The following MRPL39 variants were observed in gnomAD, a reference collection of about 807,000 sequenced individuals.
MRPL39 encodes mitochondrial ribosomal protein L39, also known as large ribosomal subunit protein mL39.
In MRPL39, 35 loss-of-function variants were observed where a neutral mutation model predicts 44.5. The ratio of observed to expected loss-of-function variants is 0.79; its 90% CI spans 0.60 to 1.04. The LOEUF is 1.04. MRPL39 is among the 50% of genes least tolerant of loss of function. The probability of loss-of-function intolerance (pLI) is 0.00; values close to 1 mark genes in which losing one functional copy is unlikely to be tolerated. For synonymous variants in MRPL39, 139 were observed against 136.1 expected (o/e 1.02, Z -0.15); for missense variants, 433 against 413.5 (o/e 1.05, Z -0.41).
At chr21:25,604,023 G>T (rs1316840829) in intron 2 of MRPL39, 88 bp from the exon 3 acceptor site, 68 of 1,227,836 alleles carry the variant, frequency 5.5e-5, no homozygotes, top group Non-Finnish European at 7.4e-5. Context: ...TATAACAATG[G>T]AAAGGCAAGA....
At chr21:25,607,310 C>A (rs1019964927) in intron 1 of MRPL39, 93 bp downstream of exon 1, 3 of 1,411,286 alleles carry the variant, frequency 2.1e-6, no homozygotes, top group Admixed American at 3.5e-5. Context: ...TTCCTCTGCC[C>A]CGCGGGACCT....
chr21:25,607,524 C>G (rs931177863), upstream of MRPL39: 1 of 1,589,518 alleles, frequency 6.3e-7, no homozygotes, highest in Non-Finnish European at 8.6e-7. Context: ...CCCTCCTCCC[C>G]CGGAAACCGA....
upstream of MRPL39, chr21:25,607,635 C>CT (rs1314254697): frequency 2.8e-6 from 2 of 708,096 alleles, no homozygotes; most frequent in African/African-American, 3.6e-5. Context: ...GATTCAGTGG[C>CT]TGAGACCCCG....
At chr21:25,595,404 A>C (rs2031325083) in intron 6 of MRPL39, among the ~76,000 whole-genome samples, 1 of 152,154 alleles carries the variant, frequency 6.6e-6, no homozygotes, top group Non-Finnish European at 1.5e-5. Context: ...TCAATGAACC[A>C]ACTCTTTTGT....
intron 8 of MRPL39, among the ~76,000 whole-genome samples, chr21:25,590,074 T>C (rs1287638852): frequency 6.6e-6 from 1 of 152,192 alleles, no homozygotes; most frequent in Non-Finnish European, 1.5e-5. Context: ...GAAAATGCAC[T>C]GTAGATGGCA....
At chr21:25,596,511 T>C (rs2123240138) in intron 6 of MRPL39, among the ~76,000 whole-genome samples, 1 of 149,664 alleles carries the variant, frequency 6.7e-6, no homozygotes, top group East Asian at 2.0e-4. Flanking sequence ...CTTTGAGAAA[T>C]GCCAAGCTAT....
intron 3 of MRPL39, among the ~76,000 whole-genome samples, chr21:25,603,364 A>C (rs1384561099): frequency 1.3e-5 from 2 of 152,204 alleles, no homozygotes; most frequent in East Asian, 3.8e-4. Flanking sequence ...TCCTTGGACA[A>C]GTCACTTAAT....
rs1601377105 is a variant in MRPL39 at position 25,597,365 on chromosome 21, T to C, written c.638A>G (p.Asp213Gly). 1 of 1,603,426 alleles carries C rather than the reference T, an allele frequency of 6.2e-7. No homozygotes were observed. Among genetic ancestry groups the C allele is most frequent in the Non-Finnish European group, 8.5e-7 (1 of 1,173,386 alleles). Residue 213 changes from aspartate to glycine, a missense_variant, in exon 6 of 10, where the codon GAT (aspartate) becomes GGT (glycine). Coordinates refer to ENST00000352957, the MANE Select transcript of MRPL39 (RefSeq NM_017446.4). ...TKDAHALIYK[D>G]LPFETLEVEA... ...AACTTCCAGAGTTTCAAATGGAAGATCTTTATAAATTAAAGCATGAGCATC... is the reference window on the plus strand; with the variant it reads ...AACTTCCAGAGTTTCAAATGGAAGACCTTTATAAATTAAAGCATGAGCATC...
chr21:25,593,762 G>T, intron 7 of MRPL39, 131 bp downstream of exon 7: 1 of 643,646 alleles, frequency 1.6e-6, no homozygotes, highest in Non-Finnish European at 2.5e-6. Flanking sequence ...AATGAACGAA[G>T]CAACCAAAAA....
intron 8 of MRPL39, among the ~76,000 whole-genome samples, chr21:25,589,211 G>A (rs917419525): frequency 2.0e-5 from 3 of 152,102 alleles, no homozygotes; most frequent in Admixed American, 2.0e-4. Flanking sequence ...CTAATAGGAA[G>A]CAAAAATCTG....
chr21:25,587,669 A>T, intron 9 of MRPL39: 1 of 1,478,978 alleles, frequency 6.8e-7, no homozygotes, highest in Non-Finnish European at 9.4e-7. Context: ...TCAAGCACAA[A>T]CTTATATGAA....
At chr21:25,595,963 T>C (rs188246133) in intron 6 of MRPL39, among the ~76,000 whole-genome samples, 1 of 152,344 alleles carries the variant, frequency 6.6e-6, no homozygotes, top group East Asian at 1.9e-4. Flanking sequence ...GTTAAAACAG[T>C]ACATTACAAC....
chr21:25,591,534 A>G (rs368041395), intron 8 of MRPL39, among the ~76,000 whole-genome samples: 33 of 152,338 alleles, frequency 2.2e-4, no homozygotes, highest in African/African-American at 7.5e-4. Context: ...CATTGCACCA[A>G]TGAAGATATA....
At chr21:25,607,271 G>T in intron 1 of MRPL39, 132 bp downstream of exon 1, 2 of 955,638 alleles carry the variant, frequency 2.1e-6, no homozygotes, top group South Asian at 1.5e-5. Flanking sequence ...AAGAGCGACC[G>T]CCGCGGAGGG....
At chr21:25,590,627 A>G (rs1200000735) in intron 8 of MRPL39, among the ~76,000 whole-genome samples, 1 of 152,146 alleles carries the variant, frequency 6.6e-6, no homozygotes, top group African/African-American at 2.4e-5. Flanking sequence ...AGAGGGATGA[A>G]AGAAGATATA....
upstream of MRPL39, chr21:25,607,565 T>G: frequency 7.4e-7 from 1 of 1,347,296 alleles, no homozygotes. Flanking sequence ...AGGACAGGTC[T>G]GTTCCGGACC....
At chr21:25,595,896 C>T (rs1162971480) in intron 6 of MRPL39, among the ~76,000 whole-genome samples, 1 of 152,106 alleles carries the variant, frequency 6.6e-6, no homozygotes, top group Non-Finnish European at 1.5e-5. Flanking sequence ...AAAGAATTTT[C>T]TTGTCGAATC....
chr21:25,588,895 A>C lies in MRPL39; in HGVS notation c.922-13T>G. The C allele has an allele frequency of 6.2e-7, 1 of 1,610,000 alleles. No individual in the cohort carries two copies. Among genetic ancestry groups the C allele is most frequent in the Non-Finnish European group, 8.5e-7 (1 of 1,176,982 alleles). On this transcript the variant is annotated splice_polypyrimidine_tract_variant and intron_variant, in intron 8 of 9. Transcript: ENST00000352957. Reference sequence around the variant, plus strand: ...TTGTAAAATGTGCCTTGAAAAGAAAAGATTTGCGATGAACTAAATGAAGCA... The same window carrying C: ...TTGTAAAATGTGCCTTGAAAAGAAACGATTTGCGATGAACTAAATGAAGCA...
intron 8 of MRPL39, among the ~76,000 whole-genome samples, chr21:25,590,640 T>C (rs2031144971): frequency 6.6e-6 from 1 of 151,976 alleles, no homozygotes; most frequent in African/African-American, 2.4e-5. Flanking sequence ...AAGATATAAA[T>C]AAATAAGAAG....
Sources: gnomAD v4.1 joint callset for allele counts (sites outside exome capture counted in the v4.1 genomes callset) on GRCh38, gnomAD v4.1.1 for gene constraint, MANE v1.5 for transcripts, NCBI Gene and HGNC (gene_info 2026-07-23, HGNC 2026-07-21) for gene names.